Variants in GNG7 observed in about 807,000 individuals in gnomAD.
GNG7 encodes the protein guanine nucleotide-binding protein G(I)/G(S)/G(O) subunit gamma-7.
A neutral mutation model predicts 4.0 loss-of-function variants in GNG7; 1 was observed. That is an observed-to-expected ratio of 0.25 (90% confidence interval 0.09 to 1.18). The LOEUF (loss-of-function observed/expected upper bound fraction) is 1.18, where lower values mean the gene tolerates loss of function less well. GNG7 is among the 50% of genes most tolerant of loss of function. The pLI, the probability that GNG7 is intolerant of heterozygous loss-of-function variation, is 0.50. For missense variants in GNG7, 86 were observed against 91.9 expected, an observed-to-expected ratio of 0.94 and a Z score of 0.26; for synonymous variants, 34 against 36.9, an observed-to-expected ratio of 0.92 and a Z score of 0.29.
chr19:2,655,386 T>C (rs1982939669), intron 1 of GNG7, among the ~76,000 whole-genome samples: 1 of 152,054 alleles, frequency 6.6e-6, no homozygotes, highest in African/African-American at 2.4e-5. Context: ...CCTGTTAGAA[T>C]GGCTATGATC....
chr19:2,548,744 G>A (rs1034790553), intron 3 of GNG7, among the ~76,000 whole-genome samples: 12,987 of 131,890 alleles, frequency 0.098, 1 homozygote, highest in South Asian at 0.11. Context: ...AGCCAAGATC[G>A]TGCCACTACA....
At chr19:2,589,819 A>C (rs1270658152) in intron 2 of GNG7, among the ~76,000 whole-genome samples, 1 of 152,038 alleles carries the variant, frequency 6.6e-6, no homozygotes, top group Non-Finnish European at 1.5e-5. Flanking sequence ...CATTGACATG[A>C]AATGTTCAGA....
At chr19:2,556,373 G>C (rs1183284035) in intron 2 of GNG7, among the ~76,000 whole-genome samples, 2 of 152,222 alleles carry the variant, frequency 1.3e-5, no homozygotes, top group Admixed American at 6.5e-5. Context: ...TGAGCTGCTC[G>C]AGGCCGGGCT....
chr19:2,693,644 C>T (rs1317481857), intron 1 of GNG7, among the ~76,000 whole-genome samples: 1 of 152,060 alleles, frequency 6.6e-6, no homozygotes, highest in African/African-American at 2.4e-5. Context: ...CTGGGCACTG[C>T]AGGGCGCTGA....
intron 1 of GNG7, among the ~76,000 whole-genome samples, chr19:2,678,572 A>G (rs1983652079): frequency 6.6e-6 from 1 of 152,032 alleles, no homozygotes; most frequent in Non-Finnish European, 1.5e-5. Context: ...GAGGAACCAA[A>G]TCCTGGGATG....
chr19:2,542,905 T>TTTTTGTTTTG (rs1313851165), intron 3 of GNG7, among the ~76,000 whole-genome samples: 4 of 125,724 alleles, frequency 3.2e-5, no homozygotes, highest in African/African-American at 1.2e-4. Flanking sequence ...TTTTTGGTGG[T>TTTTTGTTTTG]TTTTGTTTTG....
At chr19:2,613,807 C>T (rs968191486) in intron 2 of GNG7, among the ~76,000 whole-genome samples, 1 of 151,992 alleles carries the variant, frequency 6.6e-6, no homozygotes, top group Non-Finnish European at 1.5e-5. Context: ...GATCTAGCCC[C>T]AGATGTCCAC....
chr19:2,594,372 C>CAAGA (rs1232491927), intron 2 of GNG7, among the ~76,000 whole-genome samples: 3 of 141,576 alleles, frequency 2.1e-5, no homozygotes, highest in South Asian at 2.2e-4. Flanking sequence ...GAGACTCCCT[C>CAAGA]AAGAAAGAAA....
chr19:2,517,680 G>T (rs1978290978), intron 4 of GNG7, among the ~76,000 whole-genome samples: 1 of 151,980 alleles, frequency 6.6e-6, no homozygotes, highest in African/African-American at 2.4e-5. Context: ...ATAATTTTTA[G>T]AATAATTTTC....
rs768100642 is a variant in GNG7, at chr19:2,520,657, C to T, written c.32G>A (p.Arg11Gln). MSATNNIAQA[R>Q]KLVEQLRIEA... Reference sequence around the variant, plus strand: ...TATGCGTAGCTGTTCCACCAGCTTCCGGGCCTGGGCTATGTTGTTAGTGGC... The same window carrying T: ...TATGCGTAGCTGTTCCACCAGCTTCTGGGCCTGGGCTATGTTGTTAGTGGC... The change falls in exon 4 of 5, where the codon CGG becomes CAG. Residue 11 changes from arginine (R) to glutamine (Q), a missense_variant. Arg to Gln is a conservative substitution (Grantham distance 43). Coordinates refer to ENST00000382159, the MANE Select transcript of GNG7 (RefSeq NM_052847.3). 2.4e-5 allele frequency: 38 copies of T among 1,551,746 alleles called. No individual in the cohort carries two copies. The highest frequency in any genetic ancestry group is 1.7e-4 in the Middle Eastern group (1 of 6,008).
chr19:2,577,632 C>T (rs1159451121), intron 2 of GNG7, among the ~76,000 whole-genome samples: 8 of 143,952 alleles, frequency 5.6e-5, no homozygotes, highest in South Asian at 4.3e-4. Flanking sequence ...AGCCAGGAGG[C>T]GGAGGTTGCA....
At chr19:2,623,002 G>A (rs1461131655) in intron 2 of GNG7, among the ~76,000 whole-genome samples, 3 of 152,230 alleles carry the variant, frequency 2.0e-5, no homozygotes, top group Non-Finnish European at 4.4e-5. Flanking sequence ...GTGGGTGAGG[G>A]AGAAGCCACT....
chr19:2,629,037 C>T (rs1982092312), intron 2 of GNG7, among the ~76,000 whole-genome samples: 1 of 152,186 alleles, frequency 6.6e-6, no homozygotes, highest in African/African-American at 2.4e-5. Flanking sequence ...CTGTAAAAGA[C>T]ATGGTGGCCA....
chr19:2,530,365 A>G lies in GNG7; in HGVS notation c.-37-9640T>C, dbSNP rs1279553288. Among the ~76,000 whole-genome samples, 104 of 135,670 alleles carry G rather than the reference A, an allele frequency of 7.7e-4. No individual in the cohort carries two copies. In the Middle Eastern group the frequency reaches 0.018, roughly 23 times the overall value. 89.0% of individuals were successfully genotyped at this position (135,670 alleles called of 152,430 possible). A position where few individuals can be genotyped will look rare whatever the true frequency, so the allele number is the denominator to read the frequency against. On this transcript the variant is annotated intron_variant, in intron 3 of 4. Transcript: ENST00000382159. Reference sequence around the variant, plus strand: ...GAGGCAGTGGTTGCAGTGAGCTGAGATTGTGCCACTGCACTCCAGCCTGGG... The same window carrying G: ...GAGGCAGTGGTTGCAGTGAGCTGAGGTTGTGCCACTGCACTCCAGCCTGGG...
chr19:2,578,723 A>T (rs913096669), intron 2 of GNG7, among the ~76,000 whole-genome samples: 5 of 152,356 alleles, frequency 3.3e-5, no homozygotes, highest in African/African-American at 1.2e-4. Context: ...GGTGCTGAGC[A>T]GCGTCTCTGG....
Position 2,586,188 on chromosome 19 carries a change from C to A in GNG7, c.-77-31000G>T, listed in dbSNP as rs1163357237. On this transcript the variant is annotated intron_variant, in intron 2 of 4. Transcript: ENST00000382159. The stretch of plus-strand genomic sequence containing the variant: ...GGGCTGGCTCAGCACAGTCTTGCAG[C>A]CGTCTTGATGGGGTGAGATCGGGGA... Among the ~76,000 whole-genome samples the A allele has an allele frequency of 5.9e-5, 9 of 152,310 alleles. No homozygotes were observed. In the East Asian group the frequency reaches 1.7e-3, roughly 29 times the overall value.
At chr19:2,659,668 G>C (rs1280131655) in intron 1 of GNG7, among the ~76,000 whole-genome samples, 3 of 142,332 alleles carry the variant, frequency 2.1e-5, no homozygotes, top group East Asian at 4.3e-4. Context: ...GGAAGAGGGA[G>C]AAAGGGTGGG....
In GNG7 at chr19:2,592,255, T is replaced by C. The variant is rs1302187689; in HGVS notation, c.-77-37067A>G. Among the ~76,000 whole-genome samples, 5 of 152,154 alleles carry C rather than the reference T, an allele frequency of 3.3e-5. No homozygotes were observed. In the East Asian group the frequency reaches 9.6e-4, roughly 29 times the overall value. ...GCTAACTAAAAAGAATGAAGCTCAC[T>C]GATCACACTGACAAAAAATGGCAAC... On this transcript the variant is annotated intron_variant, in intron 2 of 4. Transcript: ENST00000382159.
intron 2 of GNG7, among the ~76,000 whole-genome samples, chr19:2,587,765 T>G (rs917377610): frequency 1.3e-5 from 2 of 151,404 alleles, no homozygotes; most frequent in African/African-American, 4.9e-5. Context: ...CACTTGAACC[T>G]GGGAGGCAGA....
Sources: gnomAD v4.1 joint callset for allele counts (sites outside exome capture counted in the v4.1 genomes callset) on GRCh38, gnomAD v4.1.1 for gene constraint, MANE v1.5 for transcripts, NCBI Gene and HGNC (gene_info 2026-07-23, HGNC 2026-07-21) for gene names.